Variants in RIMBP2 observed in about 807,000 individuals in gnomAD.
The protein encoded by RIMBP2 is RIMS-binding protein 2.
In RIMBP2, 48 loss-of-function variants were observed where a neutral mutation model predicts 118.6. The ratio of observed to expected loss-of-function variants is 0.40; its 90% confidence interval spans 0.32 to 0.51. The LOEUF (loss-of-function observed/expected upper bound fraction) is 0.51, where lower values mean the gene tolerates loss of function less well. Among genes scored for constraint, RIMBP2 ranks in the 20% least tolerant of loss-of-function variants. The probability of loss-of-function intolerance (pLI) is 0.41; values close to 1 mark genes in which losing one functional copy is unlikely to be tolerated. For synonymous variants in RIMBP2, 762 were observed against 742.9 expected (o/e 1.03, Z -0.42); for missense variants, 1,551 against 1,768.3 (o/e 0.88, Z 2.20).
chr12:130,600,265 C>T (rs1359014776), intron 2 of RIMBP2, among the ~76,000 whole-genome samples: 1 of 152,236 alleles, frequency 6.6e-6, no homozygotes, highest in Non-Finnish European at 1.5e-5. Context: ...CACCAAAATC[C>T]AAAGGGCATC....
chr12:130,416,148 C>T (rs1042778398), intron 17 of RIMBP2, among the ~76,000 whole-genome samples: 1 of 152,188 alleles, frequency 6.6e-6, no homozygotes, highest in African/African-American at 2.4e-5. Flanking sequence ...AGCCATATTG[C>T]CCAATGCAAC....
intron 2 of RIMBP2, among the ~76,000 whole-genome samples, chr12:130,625,694 A>T (rs1432182343): frequency 6.6e-6 from 1 of 152,234 alleles, no homozygotes; most frequent in Non-Finnish European, 1.5e-5. Context: ...AATCTATCAA[A>T]AAAAGACCAG....
intron 1 of RIMBP2, among the ~76,000 whole-genome samples, chr12:130,645,640 C>G (rs953781609): frequency 6.6e-6 from 1 of 152,178 alleles, no homozygotes; most frequent in South Asian, 2.1e-4. Flanking sequence ...TTTGTGGCTA[C>G]AAGAGGAGTC....
At chr12:130,407,995 T>C (rs965250643) in intron 19 of RIMBP2, among the ~76,000 whole-genome samples, 166 bp from the exon 20 acceptor site, 6 of 152,180 alleles carry the variant, frequency 3.9e-5, no homozygotes, top group Non-Finnish European at 8.8e-5. Context: ...CTACTTTGGG[T>C]CAGTGGTCTG....
At chr12:130,499,305 C>T (rs1038358741) in intron 4 of RIMBP2, among the ~76,000 whole-genome samples, 4 of 152,210 alleles carry the variant, frequency 2.6e-5, no homozygotes, top group African/African-American at 7.2e-5. Flanking sequence ...TATCAGGGTG[C>T]TTTGTGATAC....
chr12:130,408,175 T>C (rs1172792579), intron 19 of RIMBP2, among the ~76,000 whole-genome samples: 1 of 152,184 alleles, frequency 6.6e-6, no homozygotes, highest in Non-Finnish European at 1.5e-5. Flanking sequence ...GGCCGTGGCT[T>C]GGGAGGCCCT....
chr12:130,578,628 G>A lies in RIMBP2; in HGVS notation c.-217+49694C>T, dbSNP rs775860138. 1.2e-4 allele frequency among the ~76,000 whole-genome samples: 19 copies of A among 152,260 alleles called. No individual in the cohort carries two copies. Among genetic ancestry groups the A allele is most frequent in the South Asian group, 4.2e-4 (2 of 4,818 alleles). ...GAACAGGCTTCCCTTGGATCTTCAC[G>A]TTAGCTCATTCCTTGACATTCAGCT... is the stretch of plus-strand genomic sequence containing the variant. On this transcript the variant is annotated intron_variant, in intron 2 of 22. Coordinates refer to ENST00000690449, the MANE Select transcript of RIMBP2 (RefSeq NM_001393629.1). The surrounding 1 kb of genome is among the most constrained non-coding windows in gnomAD (Gnocchi z 4.1).
chr12:130,592,279 T>C (rs2059316295), intron 2 of RIMBP2, among the ~76,000 whole-genome samples: 1 of 152,154 alleles, frequency 6.6e-6, no homozygotes, highest in Non-Finnish European at 1.5e-5. Flanking sequence ...ACTCAAAAAT[T>C]ATCCTAAGTC....
At chr12:130,648,320 C>A (rs1331279986) in intron 1 of RIMBP2, among the ~76,000 whole-genome samples, 1 of 145,586 alleles carries the variant, frequency 6.9e-6, no homozygotes, top group Non-Finnish European at 1.6e-5. Flanking sequence ...GAAATTCCAC[C>A]TTCATAAATT....
Position 130,399,812 on chromosome 12 carries a change from C to G in RIMBP2, c.3767G>C (p.Gly1256Ala), listed in dbSNP as rs1192629668. 1 of 1,613,980 alleles carries G rather than the reference C, an allele frequency of 6.2e-7. No homozygotes were observed. Among genetic ancestry groups the G allele is most frequent in the Non-Finnish European group, 8.5e-7 (1 of 1,179,992 alleles). The stretch of plus-strand genomic sequence containing the variant: ...AAGGCCTTTCTGCCCATTCAGCTCC[C>G]CCTAAAACACCAGGGGTGAGGCAGA... Reference protein sequence around the residue: ...GEIDEDGFYYGELNGQKGLVP... With the variant: ...GEIDEDGFYYAELNGQKGLVP... Residue 1256 changes from glycine to alanine, a missense_variant and splice_region_variant, in exon 22 of 23, where the codon GGG (glycine) becomes GCG (alanine). By Grantham distance (60) the Gly-to-Ala change is moderately conservative. Transcript: ENST00000690449.
chr12:130,618,919 C>T (rs1346097640), intron 2 of RIMBP2, among the ~76,000 whole-genome samples: 7 of 152,022 alleles, frequency 4.6e-5, no homozygotes, highest in Non-Finnish European at 7.4e-5. Flanking sequence ...GAAGAGAGGA[C>T]GAATGTTCGG....
chr12:130,443,225 T>A (rs2078275061), intron 10 of RIMBP2, among the ~76,000 whole-genome samples: 2 of 150,412 alleles, frequency 1.3e-5, no homozygotes, highest in South Asian at 4.2e-4. Context: ...CAATTTGGTG[T>A]CAGAACCACA....
At chr12:130,414,376 G>T in intron 17 of RIMBP2, 70 bp from the exon 18 acceptor site, 1 of 1,451,322 alleles carries the variant, frequency 6.9e-7, no homozygotes, top group Non-Finnish European at 9.3e-7. Flanking sequence ...GGGAAATGCA[G>T]CTTTGGAAAG....
chr12:130,610,021 C>A (rs1051730265), intron 2 of RIMBP2, among the ~76,000 whole-genome samples: 3 of 152,222 alleles, frequency 2.0e-5, no homozygotes, highest in African/African-American at 4.8e-5. Context: ...CACAGGCACC[C>A]CAAAAAATAG....
intron 10 of RIMBP2, among the ~76,000 whole-genome samples, chr12:130,443,574 T>C (rs2078300763): frequency 6.6e-6 from 1 of 152,140 alleles, no homozygotes; most frequent in Non-Finnish European, 1.5e-5. Context: ...ATGTGATGTG[T>C]TGTGGCCCAG....
At chr12:130,664,421 G>GCACACGCACGCACGCACACA (rs1566439046) in intron 1 of RIMBP2, among the ~76,000 whole-genome samples, 6 of 80,822 alleles carry the variant, frequency 7.4e-5, no homozygotes, top group Non-Finnish European at 1.3e-4. Flanking sequence ...GCACACACAC[G>GCACACGCACGCACGCACACA]CACACACATG....
Position 130,620,071 on chromosome 12 carries a change from C to T in RIMBP2, c.-217+8251G>A, listed in dbSNP as rs768662042. ...GAGGCTCCTGGACCCCTGCGGCAACCGGTTGAAAAGGGCCTCCGAGGCAGT... is the reference window on the plus strand; with the variant it reads ...GAGGCTCCTGGACCCCTGCGGCAACTGGTTGAAAAGGGCCTCCGAGGCAGT... On this transcript the variant is annotated intron_variant, in intron 2 of 22. Coordinates refer to ENST00000690449, the MANE Select transcript of RIMBP2 (RefSeq NM_001393629.1). This position sits in a 1 kb window ranked among gnomAD's most constrained non-coding sequence, Gnocchi z 5.3. 9.2e-5 allele frequency among the ~76,000 whole-genome samples: 14 copies of T among 152,220 alleles called. No homozygotes were observed. The highest frequency in any genetic ancestry group is 2.9e-4 in the African/African-American group (12 of 41,544).
chr12:130,611,254 G>GT (rs1399809279), intron 2 of RIMBP2, among the ~76,000 whole-genome samples: 1 of 152,170 alleles, frequency 6.6e-6, no homozygotes, highest in African/African-American at 2.4e-5. Flanking sequence ...CACGAGCTCT[G>GT]TCCCCACGTC....
At chr12:130,537,579 G>A (rs548060752) in intron 2 of RIMBP2, among the ~76,000 whole-genome samples, 18 of 152,178 alleles carry the variant, frequency 1.2e-4, no homozygotes, top group Non-Finnish European at 2.4e-4. Context: ...GGGTCATCGG[G>A]AAGGTTAAAA....
Sources: gnomAD v4.1 joint callset for allele counts (sites outside exome capture counted in the v4.1 genomes callset) on GRCh38, gnomAD v4.1.1 for gene constraint, Gnocchi (gnomAD v3.1) non-coding constraint, MANE v1.5 for transcripts, NCBI Gene and HGNC (gene_info 2026-07-23, HGNC 2026-07-21) for gene names.